NIPBL: variants seen among roughly 807,000 people sequenced by gnomAD.
The protein encoded by NIPBL is nipped-B-like protein.
A neutral mutation model predicts 321.8 loss-of-function variants in NIPBL; 19 were observed. The observed-to-expected ratio is 0.06, with a 90% confidence interval of 0.04 to 0.09. The LOEUF is 0.09. NIPBL is among the 10% of genes least tolerant of loss of function. The probability of loss-of-function intolerance (pLI) is 1.00; values close to 1 mark genes in which losing one functional copy is unlikely to be tolerated. For synonymous variants in NIPBL, 1,106 were observed against 1,114.1 expected (o/e 0.99, Z 0.14); for missense variants, 2,210 against 3,327.0 (o/e 0.66, Z 8.26).
intron 10 of NIPBL, among the ~76,000 whole-genome samples, chr5:36,988,423 A>G (rs559804093): frequency 1.3e-5 from 2 of 152,140 alleles, no homozygotes; most frequent in South Asian, 2.1e-4. Context: ...AAAAAATACT[A>G]TGTCAGTGCT....
Position 36,962,206 on chromosome 5 carries a change from A to G in NIPBL, c.542A>G (p.Gln181Arg). 6.2e-7 allele frequency: 1 copy of G among 1,614,134 alleles called. No individual in the cohort carries two copies. Among genetic ancestry groups the G allele is most frequent in the South Asian group, 1.1e-5 (1 of 91,088 alleles). ...CCAGTGCCTAGTCCATACGCCCCACAAAGCCCTGCAGGATACATGCCATAT... is the reference window on the plus strand; with the variant it reads ...CCAGTGCCTAGTCCATACGCCCCACGAAGCCCTGCAGGATACATGCCATAT... Reference protein sequence around the residue: ...NSPVPSPYAPQSPAGYMPYSH... With the variant: ...NSPVPSPYAPRSPAGYMPYSH... The change falls in exon 6 of 47, where the codon CAA becomes CGA. Residue 181 changes from glutamine to arginine, a missense_variant. By Grantham distance (43) the Gln-to-Arg change is conservative. Transcript: ENST00000282516.
intron 9 of NIPBL, among the ~76,000 whole-genome samples, chr5:36,979,950 T>C (rs1030105290): frequency 6.6e-6 from 1 of 151,694 alleles, no homozygotes; most frequent in Non-Finnish European, 1.5e-5. Flanking sequence ...AAATGTGTTC[T>C]TGAAAAAGAA....
At chr5:36,943,838 G>A (rs1361897503) in intron 1 of NIPBL, among the ~76,000 whole-genome samples, 1 of 152,118 alleles carries the variant, frequency 6.6e-6, no homozygotes, top group Admixed American at 6.6e-5. Context: ...GGAAGACAAA[G>A]AATTATTCAA....
At chr5:36,983,530 A>C (rs1172184973) in intron 9 of NIPBL, among the ~76,000 whole-genome samples, 2 of 151,990 alleles carry the variant, frequency 1.3e-5, no homozygotes, top group African/African-American at 2.4e-5. Flanking sequence ...CATCTTCCTT[A>C]TATGATATAT....
intron 29 of NIPBL, 81 bp from the exon 30 acceptor site, chr5:37,024,504 G>A: frequency 8.4e-7 from 1 of 1,185,192 alleles, no homozygotes; most frequent in Non-Finnish European, 1.2e-6. Flanking sequence ...TGAATATACT[G>A]CGTATGGATA....
chr5:37,015,995 G>A (rs1748944605), intron 22 of NIPBL, 43 bp from the exon 23 acceptor site: 1 of 1,609,160 alleles, frequency 6.2e-7, no homozygotes, highest in Middle Eastern at 1.7e-4. Flanking sequence ...ACTGACATGT[G>A]TCACCTAAAT....
intron 29 of NIPBL, among the ~76,000 whole-genome samples, chr5:37,023,192 ATAATT>A (rs1404092997): frequency 6.6e-6 from 1 of 152,218 alleles, no homozygotes; most frequent in Non-Finnish European, 1.5e-5. Context: ...TGAGAAACAA[ATAATT>A]TAAAGAAAAG....
chr5:36,994,598 C>G (rs1008615217), intron 10 of NIPBL, among the ~76,000 whole-genome samples: 1 of 152,072 alleles, frequency 6.6e-6, no homozygotes, highest in African/African-American at 2.4e-5. Flanking sequence ...CAAAGGTACT[C>G]TTTGCTTCCA....
intron 1 of NIPBL, among the ~76,000 whole-genome samples, chr5:36,882,415 G>T (rs533675080): frequency 4.6e-5 from 7 of 151,974 alleles, no homozygotes; most frequent in African/African-American, 1.4e-4. Flanking sequence ...GAAGTTAGTT[G>T]TATGAGAAAA....
chr5:36,946,065 A>G (rs1580299026), intron 1 of NIPBL, among the ~76,000 whole-genome samples: 2 of 152,078 alleles, frequency 1.3e-5, no homozygotes, highest in East Asian at 3.8e-4. Context: ...CAGGACAATA[A>G]AAATATACTA....
At chr5:36,900,140 T>TC (rs1747088841) in intron 1 of NIPBL, among the ~76,000 whole-genome samples, 1 of 152,078 alleles carries the variant, frequency 6.6e-6, no homozygotes, top group African/African-American at 2.4e-5. Flanking sequence ...AATCAGCCCT[T>TC]CATATTTGAG....
intron 8 of NIPBL, among the ~76,000 whole-genome samples, chr5:36,974,330 T>C (rs547425021): frequency 6.6e-6 from 1 of 152,326 alleles, no homozygotes; most frequent in East Asian, 1.9e-4. Flanking sequence ...GAAGGGTAAG[T>C]GCATTGTCAG....
At chr5:37,033,724 A>ATTT (rs1286423460) in intron 32 of NIPBL, among the ~76,000 whole-genome samples, 58 of 82,302 alleles carry the variant, frequency 7.0e-4, no homozygotes, top group Admixed American at 2.1e-3. Flanking sequence ...ATATATATAT[A>ATTT]TATATATTTT....
At chr5:36,900,389 A>G (rs1355493362) in intron 1 of NIPBL, among the ~76,000 whole-genome samples, 2 of 152,148 alleles carry the variant, frequency 1.3e-5, no homozygotes, top group Non-Finnish European at 2.9e-5. Flanking sequence ...TCATATCTAC[A>G]GGGATCCTGG....
At chr5:36,894,047 T>A (rs1329837578) in intron 1 of NIPBL, among the ~76,000 whole-genome samples, 1 of 152,302 alleles carries the variant, frequency 6.6e-6, no homozygotes, top group East Asian at 1.9e-4. Flanking sequence ...CTTAAAAATA[T>A]AAACCATGCC....
chr5:37,006,129 G>C (rs966228205), intron 16 of NIPBL, among the ~76,000 whole-genome samples: 1 of 152,028 alleles, frequency 6.6e-6, no homozygotes, highest in African/African-American at 2.4e-5. Flanking sequence ...TGTCAGTAGG[G>C]TGTCATCTAG....
At chr5:36,931,774 G>A (rs954984425) in intron 1 of NIPBL, among the ~76,000 whole-genome samples, 12 of 114,452 alleles carry the variant, frequency 1.0e-4, no homozygotes, top group African/African-American at 3.2e-4. Flanking sequence ...GAATTCATTC[G>A]TATGTCTCTG....
chr5:37,047,935 G>A (rs1753148486), intron 38 of NIPBL, among the ~76,000 whole-genome samples: 1 of 152,100 alleles, frequency 6.6e-6, no homozygotes, highest in Admixed American at 6.6e-5. Context: ...AAAAGAAATG[G>A]AAGATATTTT....
intron 1 of NIPBL, among the ~76,000 whole-genome samples, chr5:36,950,519 C>T (rs1314924047): frequency 6.6e-6 from 1 of 152,052 alleles, no homozygotes; most frequent in Non-Finnish European, 1.5e-5. Flanking sequence ...TACCTGAACT[C>T]ACAAAGCACT....
Sources: gnomAD v4.1 joint callset for allele counts (sites outside exome capture counted in the v4.1 genomes callset) on GRCh38, gnomAD v4.1.1 for gene constraint, MANE v1.5 for transcripts, NCBI Gene and HGNC (gene_info 2026-07-23, HGNC 2026-07-21) for gene names.